PLPP4: variants seen among roughly 807,000 people sequenced by gnomAD.
PLPP4 encodes phospholipid phosphatase 4.
Under a neutral mutation model 32.2 loss-of-function variants are expected in PLPP4, and 20 were observed. That is an observed-to-expected ratio of 0.62 (90% CI 0.44 to 0.90). The LOEUF is 0.90. PLPP4 is among the 40% of genes least tolerant of loss of function. The pLI is 0.00. For synonymous variants in PLPP4, 127 were observed against 133.0 expected (o/e 0.95, Z 0.31); for missense variants, 257 against 353.1 (o/e 0.73, Z 2.18).
chr10:120,564,133 T>C (rs1325906022), intron 5 of PLPP4, among the ~76,000 whole-genome samples: 1 of 152,128 alleles, frequency 6.6e-6, no homozygotes, highest in Non-Finnish European at 1.5e-5. Context: ...CTTTAAATGT[T>C]GCATTAGCTA....
chr10:120,522,291 T>C (rs1278627393), intron 5 of PLPP4, among the ~76,000 whole-genome samples: 1 of 152,174 alleles, frequency 6.6e-6, no homozygotes, highest in East Asian at 1.9e-4. Flanking sequence ...GGACTGTCTG[T>C]TGAACATGTT....
intron 5 of PLPP4, among the ~76,000 whole-genome samples, chr10:120,558,996 C>T (rs1848294855): frequency 6.6e-6 from 1 of 152,172 alleles, no homozygotes; most frequent in South Asian, 2.1e-4. Flanking sequence ...CCCATTGCCC[C>T]ACAGTCTTGT....
intron 1 of PLPP4, among the ~76,000 whole-genome samples, chr10:120,461,145 G>A (rs964601772): frequency 6.6e-6 from 1 of 152,214 alleles, no homozygotes; most frequent in African/African-American, 2.4e-5. Context: ...AAAGGTGGAG[G>A]GATGGCAGCA....
At chr10:120,519,821 T>C (rs913914144) in intron 4 of PLPP4, among the ~76,000 whole-genome samples, 1 of 152,082 alleles carries the variant, frequency 6.6e-6, no homozygotes. Context: ...ACTTCACCCG[T>C]GGTAGGTGCT....
Position 120,575,123 on chromosome 10 carries a change from T to C in PLPP4, c.446-8T>C. On this transcript the variant is annotated splice_region_variant and splice_polypyrimidine_tract_variant and intron_variant, in intron 5 of 6. Transcript: ENST00000398250. The stretch of plus-strand genomic sequence containing the variant: ...GCTAGAGTAACACCTGCTGTTTCTG[T>C]TTGGCAGTTGCCTTTTCGGGCCTTG... 6.2e-7 allele frequency: 1 copy of C among 1,611,636 alleles called. No individual in the cohort carries two copies. Among genetic ancestry groups the C allele is most frequent in the African/African-American group, 1.3e-5 (1 of 75,036 alleles).
intron 5 of PLPP4, among the ~76,000 whole-genome samples, chr10:120,526,652 G>C (rs1326924206): frequency 6.6e-6 from 1 of 152,142 alleles, no homozygotes; most frequent in East Asian, 1.9e-4. Flanking sequence ...CTACTCATCT[G>C]TTTTTCCAAA....
chr10:120,574,160 ACACACACACTCTCTCTCT>A (rs1849079686), intron 5 of PLPP4, among the ~76,000 whole-genome samples: 33 of 117,710 alleles, frequency 2.8e-4, no homozygotes, highest in African/African-American at 1.0e-3. Flanking sequence ...ACACACACAC[ACACACACACTCTCTCTCT>A]CTCTCTCTCT....
At chr10:120,556,253 G>A (rs1292409795) in intron 5 of PLPP4, among the ~76,000 whole-genome samples, 1 of 152,224 alleles carries the variant, frequency 6.6e-6, no homozygotes, top group Non-Finnish European at 1.5e-5. Flanking sequence ...ACACTGGGGA[G>A]AGTCTCTTAG....
intron 6 of PLPP4, among the ~76,000 whole-genome samples, chr10:120,582,942 A>G (rs1398077303): frequency 2.0e-5 from 3 of 151,910 alleles, no homozygotes; most frequent in Admixed American, 2.0e-4. Context: ...GCTATTTTGC[A>G]TACTTCCTGC....
At chr10:120,491,882 A>G (rs1315870818) in intron 1 of PLPP4, among the ~76,000 whole-genome samples, 1 of 152,206 alleles carries the variant, frequency 6.6e-6, no homozygotes, top group Non-Finnish European at 1.5e-5. Flanking sequence ...AAAAAACCCA[A>G]GTGATCTCCC....
At chr10:120,462,700 G>A (rs557927449) in intron 1 of PLPP4, among the ~76,000 whole-genome samples, 4 of 152,278 alleles carry the variant, frequency 2.6e-5, no homozygotes, top group Non-Finnish European at 5.9e-5. Flanking sequence ...AGGATTACAC[G>A]GGGCCCAGGT....
At chr10:120,471,626 A>G (rs933833499) in intron 1 of PLPP4, among the ~76,000 whole-genome samples, 1 of 151,958 alleles carries the variant, frequency 6.6e-6, no homozygotes, top group African/African-American at 2.4e-5. Flanking sequence ...ACTTATCTGT[A>G]TCTTTATTTT....
intron 5 of PLPP4, among the ~76,000 whole-genome samples, chr10:120,540,529 C>T (rs1358869671): frequency 1.3e-5 from 2 of 152,176 alleles, no homozygotes; most frequent in Admixed American, 1.3e-4. Flanking sequence ...CATACAATGC[C>T]TTATGCCAAT....
chr10:120,459,809 A>G (rs1847960239), intron 1 of PLPP4, among the ~76,000 whole-genome samples: 1 of 152,218 alleles, frequency 6.6e-6, no homozygotes, highest in South Asian at 2.1e-4. Context: ...TTCTCTGACT[A>G]CATTTGCTCT....
chr10:120,544,264 T>C (rs1589852631), intron 5 of PLPP4, among the ~76,000 whole-genome samples: 1 of 152,274 alleles, frequency 6.6e-6, no homozygotes, highest in African/African-American at 2.4e-5. Context: ...TGCCAATACT[T>C]GTTATTTTCG....
rs147231953 is a variant in PLPP4 at position 120,521,531 on chromosome 10, C to T, written c.445+436C>T. ...TACATACATATGTTACATGTATATA[C>T]ATATACTTTCCCCCATGCCTCCAGT... On this transcript the variant is annotated intron_variant, in intron 5 of 6. Transcript: ENST00000398250. Among the ~76,000 whole-genome samples, 51 of 152,274 alleles carry T rather than the reference C, an allele frequency of 3.3e-4. No individual in the cohort carries two copies. In the East Asian group the frequency reaches 9.5e-3, roughly 28 times the overall value.
intron 5 of PLPP4, among the ~76,000 whole-genome samples, chr10:120,536,050 CAAAT>C (rs1847001708): frequency 6.6e-6 from 1 of 151,878 alleles, no homozygotes; most frequent in Non-Finnish European, 1.5e-5. Flanking sequence ...ATTAAAGACA[CAAAT>C]AAATGGAAAG....
chr10:120,553,811 T>A (rs1051879045), intron 5 of PLPP4, among the ~76,000 whole-genome samples: 1 of 152,224 alleles, frequency 6.6e-6, no homozygotes, highest in African/African-American at 2.4e-5. Context: ...GAGTGCCATG[T>A]CCCCAGGTTA....
intron 5 of PLPP4, among the ~76,000 whole-genome samples, chr10:120,528,958 A>T (rs1490321108): frequency 6.9e-6 from 1 of 145,240 alleles, no homozygotes; most frequent in Non-Finnish European, 1.5e-5. Context: ...TCAGCATACT[A>T]GGCAAGAGCC....
Sources: allele counts gnomAD v4.1 joint callset (sites outside exome capture counted in the v4.1 genomes callset), GRCh38; gene constraint gnomAD v4.1.1; transcripts MANE v1.5; gene names NCBI Gene and HGNC (gene_info 2026-07-23, HGNC 2026-07-21).